Variants in SYTL5 observed in about 807,000 individuals in gnomAD.
SYTL5 encodes synaptotagmin like 5, also known as synaptotagmin-like protein 5.
Under a neutral mutation model 55.9 loss-of-function variants are expected in SYTL5, and 34 were observed. The observed-to-expected ratio is 0.61, with a 90% CI of 0.46 to 0.81. SYTL5 has a LOEUF of 0.81. SYTL5 is among the 30% of genes least tolerant of loss of function. The pLI is 0.00. For synonymous variants in SYTL5, 221 were observed against 188.7 expected, an observed-to-expected ratio of 1.17 and a Z score of -1.40; for missense variants, 637 against 546.7, an observed-to-expected ratio of 1.17 and a Z score of -1.65.
chrX:37,924,968 AT>A, the SYTL5 span, among the ~76,000 whole-genome samples: 10 of 109,582 alleles, frequency 9.1e-5, no homozygotes, highest in South Asian at 1.1e-3. Flanking sequence ...GCTGGAACTT[AT>A]TTTTTTTTAT....
intron 1 of SYTL5, among the ~76,000 whole-genome samples, chrX:38,018,033 C>G (rs1454421506): frequency 9.1e-6 from 1 of 109,292 alleles, no homozygotes; most frequent in Non-Finnish European, 1.9e-5. Context: ...TTCAGACCCC[C>G]AGTAAAGTTT....
At chrX:37,938,986 G>T in the SYTL5 span, among the ~76,000 whole-genome samples, 1,167 of 111,358 alleles carry the variant, frequency 0.01, 10 homozygotes, top group African/African-American at 0.036. Context: ...GGTCAGGCGC[G>T]GTGGCTCACA....
the SYTL5 span, among the ~76,000 whole-genome samples, chrX:37,899,984 C>T: frequency 8.9e-6 from 1 of 111,931 alleles, no homozygotes; most frequent in South Asian, 3.7e-4. Flanking sequence ...GTAAGCAAAT[C>T]TTCATTATAT....
At chrX:38,002,135 A>G (rs908519717), upstream of SYTL5, among the ~76,000 whole-genome samples, 3 of 110,167 alleles carry the variant, frequency 2.7e-5, no homozygotes, top group African/African-American at 9.9e-5. Context: ...TTGTCCTTGC[A>G]ATAGTTTGCT....
intron 1 of SYTL5, among the ~76,000 whole-genome samples, chrX:38,024,380 C>A (rs1216119583): frequency 9.0e-6 from 1 of 111,069 alleles, no homozygotes; most frequent in Non-Finnish European, 1.9e-5. Context: ...TTGTGAGGAC[C>A]CCCACCCCAG....
intron 9 of SYTL5, among the ~76,000 whole-genome samples, chrX:38,099,816 T>C (rs1937038693): frequency 9.0e-6 from 1 of 111,686 alleles, no homozygotes. Context: ...CTTTTCTGCA[T>C]CTATTGAGAT....
chrX:38,022,905 G>A (rs1041879804), intron 1 of SYTL5, among the ~76,000 whole-genome samples: 1 of 111,663 alleles, frequency 9.0e-6, no homozygotes, highest in Non-Finnish European at 1.9e-5. Flanking sequence ...AAGATCTGGA[G>A]GTGAGGAAGA....
At chrX:38,121,200 C>G (rs1404993846) in intron 14 of SYTL5, among the ~76,000 whole-genome samples, 1 of 111,725 alleles carries the variant, frequency 9.0e-6, no homozygotes, top group African/African-American at 3.3e-5. Context: ...GGGGACGGTG[C>G]AAAACCACTC....
At chrX:37,941,015 T>C in the SYTL5 span, among the ~76,000 whole-genome samples, 1 of 112,130 alleles carries the variant, frequency 8.9e-6, no homozygotes, top group South Asian at 3.7e-4. Flanking sequence ...GTAGTTACTA[T>C]GAATCAGTGG....
intron 13 of SYTL5, among the ~76,000 whole-genome samples, chrX:38,115,663 A>G (rs1227071331): frequency 1.8e-5 from 2 of 110,705 alleles, no homozygotes; most frequent in Admixed American, 9.6e-5. Context: ...TTTAATTTGC[A>G]TTTCCCTGGT....
In SYTL5 at chrX:38,096,249, G is replaced by A. The variant is rs780722879; in HGVS notation, c.1062+15G>A. 58 of 1,015,885 alleles carry A rather than the reference G, an allele frequency of 5.7e-5. No individual in the cohort carries two copies. The Middle Eastern group carries it at 1.5e-3, about 27-fold the overall frequency. The allele number at this position is 1,015,885 out of a possible 1,213,427, so 83.7% of individuals were successfully genotyped here. A position where few individuals can be genotyped will look rare whatever the true frequency, so the allele number is the denominator to read the frequency against. On this transcript the variant is annotated intron_variant, in intron 9 of 16. Coordinates refer to ENST00000297875, the MANE Select transcript of SYTL5 (RefSeq NM_138780.3). ...CTTTAGACAAGGTAAGTTGGATGTG[G>A]AAGAAAATATAATGAAGAGGAGGAA...
chrX:37,964,164 A>G, the SYTL5 span, among the ~76,000 whole-genome samples: 1 of 111,338 alleles, frequency 9.0e-6, no homozygotes, highest in Admixed American at 9.5e-5. Flanking sequence ...ACAAAAGAGG[A>G]CCCAAAGAGC....
chrX:38,011,723 G>A (rs907622441), intron 1 of SYTL5, among the ~76,000 whole-genome samples: 2 of 111,509 alleles, frequency 1.8e-5, no homozygotes, highest in African/African-American at 6.5e-5. Context: ...TGCTGCCCGT[G>A]GGGATATTTT....
intron 1 of SYTL5, among the ~76,000 whole-genome samples, chrX:38,013,789 G>T (rs1934258114): frequency 9.0e-6 from 1 of 110,505 alleles, no homozygotes; most frequent in South Asian, 3.9e-4. Context: ...CTCACTGATT[G>T]GTTTCCTCTC....
At chrX:37,974,430 G>T in the SYTL5 span, among the ~76,000 whole-genome samples, 2 of 111,892 alleles carry the variant, frequency 1.8e-5, no homozygotes, top group African/African-American at 6.5e-5. Flanking sequence ...CTGGGTGAAG[G>T]TAGGTATGGG....
intron 10 of SYTL5, among the ~76,000 whole-genome samples, chrX:38,105,143 C>A (rs1201278918): frequency 1.8e-5 from 2 of 112,628 alleles, no homozygotes; most frequent in African/African-American, 6.5e-5. Flanking sequence ...TGCAGTGTGG[C>A]TCCTACAGTG....
At chrX:38,061,058 T>C (rs1053702785) in intron 3 of SYTL5, among the ~76,000 whole-genome samples, 5 of 111,875 alleles carry the variant, frequency 4.5e-5, no homozygotes, top group African/African-American at 1.3e-4. Context: ...AGGAGGAAGA[T>C]GAGTTTATTA....
At chrX:38,108,728 A>C (rs1937279986) in intron 12 of SYTL5, 29 bp downstream of exon 12, 526 of 975,719 alleles carry the variant, frequency 5.4e-4, no homozygotes, top group Non-Finnish European at 7.0e-4. Flanking sequence ...ATAGTAACTC[A>C]TGTGGTACTG....
At chrX:37,893,664 A>ATATATATAATC in the SYTL5 span, among the ~76,000 whole-genome samples, 1 of 57,108 alleles carries the variant, frequency 1.8e-5, no homozygotes, top group African/African-American at 1.9e-4. Flanking sequence ...TATAAAATCT[A>ATATATATAATC]TATATATAAT....
Sources: allele counts gnomAD v4.1 joint callset (sites outside exome capture counted in the v4.1 genomes callset), GRCh38; gene constraint gnomAD v4.1.1; transcripts MANE v1.5; gene names NCBI Gene and HGNC (gene_info 2026-07-23, HGNC 2026-07-21).